Variants in ZNF385C observed in about 807,000 individuals in gnomAD.
ZNF385C encodes zinc finger protein 385C.
A neutral mutation model predicts 35.4 loss-of-function variants in ZNF385C; 28 were observed. That is an observed-to-expected ratio of 0.79 (90% CI 0.59 to 1.08). The LOEUF (loss-of-function observed/expected upper bound fraction) is 1.08, where lower values mean the gene tolerates loss of function less well. ZNF385C is among the 50% of genes least tolerant of loss of function. The probability of loss-of-function intolerance (pLI) is 0.00; values close to 1 mark genes in which losing one functional copy is unlikely to be tolerated. For missense variants in ZNF385C, 605 were observed against 595.6 expected, an observed-to-expected ratio of 1.02 and a Z score of -0.16; for synonymous variants, 248 against 248.2, an observed-to-expected ratio of 1.00 and a Z score of 0.01.
intron 1 of ZNF385C, among the ~76,000 whole-genome samples, chr17:42,064,315 A>C (rs2143861283): frequency 6.6e-6 from 1 of 152,266 alleles, no homozygotes; most frequent in South Asian, 2.1e-4. Flanking sequence ...TCTGCTTCAG[A>C]CAGGGGCTTC....
At chr17:42,046,908 G>C (rs1276290868) in intron 2 of ZNF385C, among the ~76,000 whole-genome samples, 1 of 150,348 alleles carries the variant, frequency 6.7e-6, no homozygotes, top group African/African-American at 2.4e-5. Flanking sequence ...TGTCACCCAG[G>C]CTAGAGTGCA....
At chr17:42,043,920 G>A (rs1003502576) in intron 2 of ZNF385C, among the ~76,000 whole-genome samples, 7 of 151,956 alleles carry the variant, frequency 4.6e-5, no homozygotes, top group African/African-American at 7.3e-5. Context: ...GGTTCTCAGG[G>A]CCCATGAGGA....
At chr17:42,066,020 G>A (rs897062893) in intron 1 of ZNF385C, among the ~76,000 whole-genome samples, 3 of 151,612 alleles carry the variant, frequency 2.0e-5, no homozygotes, top group Non-Finnish European at 2.9e-5. Flanking sequence ...TATGCTTCTC[G>A]GTGCCCTACA....
intron 2 of ZNF385C, among the ~76,000 whole-genome samples, chr17:42,057,357 G>A (rs1327656927): frequency 1.3e-5 from 2 of 152,162 alleles, no homozygotes; most frequent in Non-Finnish European, 2.9e-5. Flanking sequence ...TGGGGCTGGG[G>A]GTAGGTCATT....
In ZNF385C at chr17:42,053,646, G is replaced by A. The variant is rs112627862; in HGVS notation, c.250+9161C>T. On this transcript the variant is annotated intron_variant, in intron 2 of 8. Coordinates refer to ENST00000692273, the MANE Select transcript of ZNF385C (RefSeq NM_001392013.1). ...TACCCTTTCTTTCACCTTTGTTCTC[G>A]GCCAGAGTGGGGGCTTCCCTGCCCA... 1.7e-3 allele frequency among the ~76,000 whole-genome samples: 261 copies of A among 152,202 alleles called. 3 individuals are homozygous for A. Among genetic ancestry groups the A allele is most frequent in the African/African-American group, 5.7e-3 (237 of 41,506 alleles).
At chr17:42,082,572 G>A (rs1555659808) in intron 1 of ZNF385C, among the ~76,000 whole-genome samples, 1 of 152,206 alleles carries the variant, frequency 6.6e-6, no homozygotes, top group African/African-American at 2.4e-5. Flanking sequence ...CCCTGGGATG[G>A]CAGACAGTGT....
At chr17:42,039,947 CG>C in intron 2 of ZNF385C, 4 of 1,231,182 alleles carry the variant, frequency 3.2e-6, no homozygotes, top group Non-Finnish European at 4.1e-6. Context: ...GCGGCGAAGT[CG>C]GGGAAGAGCT....
At chr17:42,062,560 G>T in intron 2 of ZNF385C, 1 of 371,886 alleles carries the variant, frequency 2.7e-6, no homozygotes, top group South Asian at 1.4e-4. Flanking sequence ...GAGTTCCCTA[G>T]AAACAAAGAC....
At chr17:42,031,914 T>C in intron 4 of ZNF385C, 130 bp from the exon 5 acceptor site, 16 of 985,950 alleles carry the variant, frequency 1.6e-5, no homozygotes, top group Non-Finnish European at 2.2e-5. Context: ...CAAGTCCTTG[T>C]CCTTGTCATC....
In ZNF385C at chr17:42,098,291, T is replaced by G. The variant is rs782121619; in HGVS notation, c.-3+119A>C. On this transcript the variant is annotated intron_variant, in intron 1 of 8. Transcript: ENST00000692273. Reference sequence around the variant, plus strand: ...AGAGCCGAGATAGGGATATCCTCACTGTCCCTTGGGGTCCCCCAATTTTGA... The same window carrying G: ...AGAGCCGAGATAGGGATATCCTCACGGTCCCTTGGGGTCCCCCAATTTTGA... The G allele has an allele frequency of 2.0e-5, 3 of 152,422 alleles. No individual in the cohort carries two copies. The South Asian group carries it at 6.2e-4, about 32-fold the overall frequency. 9.4% of individuals were successfully genotyped at this position (152,422 alleles called of 1,614,324 possible).
At chr17:42,032,305 C>T (rs1257603024) in intron 4 of ZNF385C, among the ~76,000 whole-genome samples, 1 of 152,052 alleles carries the variant, frequency 6.6e-6, no homozygotes, top group African/African-American at 2.4e-5. Context: ...GTGATCCACC[C>T]GCCTCAGCCT....
At chr17:42,043,366 G>T (rs1200230544) in intron 2 of ZNF385C, 1 of 1,232,136 alleles carries the variant, frequency 8.1e-7, no homozygotes, top group Non-Finnish European at 1.0e-6. Context: ...TTTCTTCCCT[G>T]GGGGCACCAT....
chr17:42,097,171 A>G (rs2053927599), intron 1 of ZNF385C, among the ~76,000 whole-genome samples: 1 of 152,000 alleles, frequency 6.6e-6, no homozygotes, highest in Non-Finnish European at 1.5e-5. Flanking sequence ...GGTGGGTTCT[A>G]TTATTATCCC....
chr17:42,064,068 G>GCACACA (rs1197685074), intron 1 of ZNF385C, among the ~76,000 whole-genome samples: 19 of 59,476 alleles, frequency 3.2e-4, no homozygotes, highest in East Asian at 9.8e-4. Flanking sequence ...GCGCGCACAC[G>GCACACA]CACATACACA....
intron 2 of ZNF385C, chr17:42,040,476 C>T: frequency 8.1e-7 from 1 of 1,232,274 alleles, no homozygotes; most frequent in South Asian, 4.1e-5. Context: ...GCTCTTCTGC[C>T]TGCAGGACAA....
At chr17:42,037,535 C>T (rs1555655594) in intron 3 of ZNF385C, among the ~76,000 whole-genome samples, 1 of 152,062 alleles carries the variant, frequency 6.6e-6, no homozygotes, top group Non-Finnish European at 1.5e-5. Context: ...CCATCTTGTT[C>T]CCCAGCCTAA....
chr17:42,088,395 T>C (rs1053758502), intron 1 of ZNF385C, among the ~76,000 whole-genome samples: 2 of 152,216 alleles, frequency 1.3e-5, no homozygotes, highest in African/African-American at 4.8e-5. Flanking sequence ...TGCCCCACAC[T>C]GACAGAGGCC....
rs1440452087 is a variant in ZNF385C at position 42,050,449 on chromosome 17, C to T, written c.250+12358G>A. ...CTGGGGGGCGCGCGGTGACAGAGCC[C>T]TCGGTGGGTCCCGCAGAGGCACTGA... On this transcript the variant is annotated intron_variant, in intron 2 of 8. Coordinates refer to ENST00000692273, the MANE Select transcript of ZNF385C (RefSeq NM_001392013.1). This position sits in a 1 kb window ranked among gnomAD's most constrained non-coding sequence, Gnocchi z 5.6. 6.6e-6 allele frequency: 1 copy of T among 152,128 alleles called. No individual in the cohort carries two copies. The highest frequency in any genetic ancestry group is 2.4e-5 in the African/African-American group (1 of 41,440). 9.4% of individuals were successfully genotyped at this position (152,128 alleles called of 1,614,324 possible).
intron 2 of ZNF385C, chr17:42,043,370 G>A (rs1458176012): frequency 1.4e-5 from 17 of 1,232,136 alleles, no homozygotes; most frequent in Admixed American, 1.3e-4. Context: ...TTCCCTGGGG[G>A]CACCATTCTT....
Sources: allele counts gnomAD v4.1 joint callset (sites outside exome capture counted in the v4.1 genomes callset), GRCh38; gene constraint gnomAD v4.1.1; non-coding constraint Gnocchi (gnomAD v3.1); transcripts MANE v1.5; gene names NCBI Gene and HGNC (gene_info 2026-07-23, HGNC 2026-07-21).